The following PTPRU variants were observed in gnomAD, a reference collection of about 807,000 sequenced individuals.
PTPRU encodes protein tyrosine phosphatase receptor type U, also known as receptor-type tyrosine-protein phosphatase U.
In PTPRU, 69 loss-of-function variants were observed where a neutral mutation model predicts 166.3. The ratio of observed to expected loss-of-function variants is 0.41; its 90% CI spans 0.34 to 0.51. The LOEUF is 0.51. PTPRU is among the 20% of genes least tolerant of loss of function. The pLI, the probability that PTPRU is intolerant of heterozygous loss-of-function variation, is 0.09. For synonymous variants in PTPRU, 793 were observed against 814.0 expected (o/e 0.97, Z 0.44); for missense variants, 1,657 against 2,013.7 (o/e 0.82, Z 3.39).
intron 7 of PTPRU, among the ~76,000 whole-genome samples, chr1:29,261,593 G>T (rs1342802000): frequency 6.6e-6 from 1 of 152,116 alleles, no homozygotes; most frequent in South Asian, 2.1e-4. Flanking sequence ...ACAGTGGCGC[G>T]ATCTTGGTTC....
At chr1:29,307,587 A>G (rs1469160691) in intron 18 of PTPRU, among the ~76,000 whole-genome samples, 1 of 152,226 alleles carries the variant, frequency 6.6e-6, no homozygotes, top group African/African-American at 2.4e-5. Flanking sequence ...AAGATCTTGG[A>G]CAGCCCCAGG....
rs367858513 is a variant in PTPRU, at chr1:29,323,804, G to A, written c.4112+16G>A. The A allele has an allele frequency of 5.5e-5, 88 of 1,613,098 alleles. No homozygotes were observed. The highest frequency in any genetic ancestry group is 3.1e-4 in the African/African-American group (23 of 74,926). On this transcript the variant is annotated intron_variant, in intron 28 of 29. Transcript: ENST00000373779. Reference sequence around the variant, plus strand: ...TGCACTGCCTGTGAGTACCTGCCCTGTGGGAGGGCGGGTGGAGGGGTTGGG... The same window carrying A: ...TGCACTGCCTGTGAGTACCTGCCCTATGGGAGGGCGGGTGGAGGGGTTGGG...
At chr1:29,274,032 C>A in intron 7 of PTPRU, among the ~76,000 whole-genome samples, 1 of 152,020 alleles carries the variant, frequency 6.6e-6, no homozygotes, top group East Asian at 1.9e-4. Context: ...TGAGATAAAG[C>A]ATTTTTTGTT....
chr1:29,244,097 G>A (rs1475049302), intron 1 of PTPRU, among the ~76,000 whole-genome samples: 1 of 152,166 alleles, frequency 6.6e-6, no homozygotes, highest in Non-Finnish European at 1.5e-5. Context: ...AGAAGCTGGG[G>A]AGAAAGATTG....
At chr1:29,300,240 A>G (rs1687077744) in intron 15 of PTPRU, among the ~76,000 whole-genome samples, 1 of 152,186 alleles carries the variant, frequency 6.6e-6, no homozygotes, top group Non-Finnish European at 1.5e-5. Flanking sequence ...CAGTGTCTAC[A>G]TTGCACAGTG....
Position 29,279,312 on chromosome 1 carries a change from T to G in PTPRU, c.1564-144T>G. ...TGAAGGCAGGAGGGAGAGCCGAAGA[T>G]GACTAGAAGCCTGGCTTGATGGCAT... is the stretch of plus-strand genomic sequence containing the variant. On this transcript the variant is annotated intron_variant, in intron 9 of 29. Coordinates refer to ENST00000373779, the MANE Select transcript of PTPRU (RefSeq NM_133178.4). This position sits in a 1 kb window ranked among gnomAD's most constrained non-coding sequence, Gnocchi z 5.2. 9.5e-7 allele frequency: 1 copy of G among 1,052,528 alleles called. No homozygotes were observed. 65.2% of individuals were successfully genotyped at this position (1,052,528 alleles called of 1,614,324 possible). A position where few individuals can be genotyped will look rare whatever the true frequency, so the allele number is the denominator to read the frequency against.
chr1:29,260,068 C>A lies in PTPRU; in HGVS notation c.850+24C>A. The A allele has an allele frequency of 1.4e-6, 2 of 1,384,818 alleles. No individual in the cohort carries two copies. Among genetic ancestry groups the A allele is most frequent in the South Asian group, 1.7e-5 (1 of 57,634 alleles). 85.8% of individuals were successfully genotyped at this position (1,384,818 alleles called of 1,614,324 possible). ...GGGTCAGCTGGTGGACGCCGGGGAG[C>A]GCCGGGACCTCACCCTCGAGGGGCG... On this transcript the variant is annotated intron_variant, in intron 6 of 29. Transcript: ENST00000373779. The surrounding 1 kb of genome is among the most constrained non-coding windows in gnomAD (Gnocchi z 8.3).
At chr1:29,258,879 G>A in intron 3 of PTPRU, 103 bp downstream of exon 3, 1 of 1,464,634 alleles carries the variant, frequency 6.8e-7, no homozygotes, top group Non-Finnish European at 9.1e-7. Context: ...GAATGTGTCT[G>A]CATTCAGTAT....
At position 29,238,568 on chromosome 1, in the gene PTPRU, C is replaced by T. The variant is rs540244579; in HGVS notation, c.73+1851C>T. ...CCGGAACTCCTGTGGCTCCAGCGTT[C>T]GCGCCGGCCACTGGCCAGCGCTTGG... is the stretch of plus-strand genomic sequence containing the variant. On this transcript the variant is annotated intron_variant, in intron 1 of 29. Transcript: ENST00000373779. This position sits in a 1 kb window ranked among gnomAD's most constrained non-coding sequence, Gnocchi z 6.1. 2.2e-4 allele frequency among the ~76,000 whole-genome samples: 34 copies of T among 152,342 alleles called. No individual in the cohort carries two copies. The East Asian group carries it at 5.6e-3, about 25-fold the overall frequency.
chr1:29,312,487 A>G, intron 21 of PTPRU, 65 bp from the exon 22 acceptor site: 8 of 1,437,378 alleles, frequency 5.6e-6, no homozygotes, highest in Middle Eastern at 1.9e-4. Context: ...CCTGGCACAC[A>G]GCAGGTGTCT....
intron 7 of PTPRU, among the ~76,000 whole-genome samples, chr1:29,261,521 ATTG>A (rs1409684161): frequency 1.3e-5 from 2 of 152,026 alleles, no homozygotes; most frequent in East Asian, 1.9e-4. Context: ...TGACTTTAGT[ATTG>A]TTGTTGTTAT....
chr1:29,259,641 A>G, intron 5 of PTPRU, 77 bp downstream of exon 5: 4 of 1,386,396 alleles, frequency 2.9e-6, no homozygotes, highest in Non-Finnish European at 3.9e-6. Flanking sequence ...GACTCCCCCC[A>G]GATTGCTGAG....
At chr1:29,267,359 A>T (rs1321918855) in intron 7 of PTPRU, among the ~76,000 whole-genome samples, 1 of 152,242 alleles carries the variant, frequency 6.6e-6, no homozygotes, top group Admixed American at 6.5e-5. Context: ...TCCCTGGCAT[A>T]TACCGAGGGA....
chr1:29,276,600 G>T (rs1242478918), intron 8 of PTPRU, among the ~76,000 whole-genome samples: 3 of 152,194 alleles, frequency 2.0e-5, no homozygotes, highest in Admixed American at 6.5e-5. Context: ...TTACAGGCAT[G>T]AGCCACTTCA....
intron 25 of PTPRU, among the ~76,000 whole-genome samples, chr1:29,319,658 G>A (rs1438263792): frequency 6.6e-6 from 1 of 152,230 alleles, no homozygotes; most frequent in Non-Finnish European, 1.5e-5. Flanking sequence ...GGGGGACCAG[G>A]GGGGCTCTTT....
At chr1:29,256,414 C>T (rs1684773640) in intron 2 of PTPRU, among the ~76,000 whole-genome samples, 1 of 152,230 alleles carries the variant, frequency 6.6e-6, no homozygotes, top group African/African-American at 2.4e-5. Context: ...CCCTTTGCCC[C>T]ATCACACTAG....
rs1683846282 is a variant in PTPRU at position 29,237,845 on chromosome 1, G to A, written c.73+1128G>A. ...GGGCCGGACCGGCGGGCGCTCCTGC[G>A]GTGGCCGGGCCGCGGCTGCGCCCCG... is the stretch of plus-strand genomic sequence containing the variant. On this transcript the variant is annotated intron_variant, in intron 1 of 29. Transcript: ENST00000373779. This position sits in a 1 kb window ranked among gnomAD's most constrained non-coding sequence, Gnocchi z 6.4. 6.9e-6 allele frequency among the ~76,000 whole-genome samples: 1 copy of A among 145,382 alleles called. No individual in the cohort carries two copies. Among genetic ancestry groups the A allele is most frequent in the Admixed American group, 6.8e-5 (1 of 14,682 alleles).
Position 29,259,458 on chromosome 1 carries a change from C to T in PTPRU, c.569C>T (p.Pro190Leu). ...LLLSYPCAKA[P>L]HFSRLGDVEV... ...AGCTCTAACCCCGCAGCAAAGGCCCCACACTTCTCCCGCCTGGGCGACGTG... is the reference window on the plus strand; with the variant it reads ...AGCTCTAACCCCGCAGCAAAGGCCCTACACTTCTCCCGCCTGGGCGACGTG... Residue 190 changes from proline to leucine, a missense_variant, in exon 5 of 30, where the codon CCA becomes CTA. By Grantham distance (98) the Pro-to-Leu change is moderately conservative. Around this residue, in one of 3 missense-constraint regions of PTPRU, gnomAD observed 453 missense variants for 496.9 expected, o/e 0.91. Transcript: ENST00000373779. The T allele has an allele frequency of 6.2e-7, 1 of 1,611,640 alleles. No homozygotes were observed. The highest frequency in any genetic ancestry group is 8.5e-7 in the Non-Finnish European group (1 of 1,178,474).
At chr1:29,323,267 G>A (rs761460870) in intron 26 of PTPRU, 104 bp from the exon 27 acceptor site, 14 of 1,435,464 alleles carry the variant, frequency 9.8e-6, no homozygotes, top group African/African-American at 7.1e-5. Flanking sequence ...GCCAGGGTTC[G>A]TGGGAGCCAC....
Sources: gnomAD v4.1 joint callset for allele counts (sites outside exome capture counted in the v4.1 genomes callset) on GRCh38, gnomAD v4.1.1 for gene constraint, gnomAD v4.1.1 regional missense constraint, Gnocchi (gnomAD v3.1) non-coding constraint, MANE v1.5 for transcripts, NCBI Gene and HGNC (gene_info 2026-07-23, HGNC 2026-07-21) for gene names.